The following RYR3 variants were observed in gnomAD, a reference collection of about 807,000 sequenced individuals.
RYR3 encodes the protein ryanodine receptor 3, also known as brain ryanodine receptor-calcium release channel.
In RYR3, 207 loss-of-function variants were observed where a neutral mutation model predicts 584.3. The ratio of observed to expected loss-of-function variants is 0.35; its 90% CI spans 0.32 to 0.40. The LOEUF (loss-of-function observed/expected upper bound fraction) is 0.40, where lower values mean the gene tolerates loss of function less well. Among genes scored for constraint, RYR3 ranks in the 10% least tolerant of loss-of-function variants. RYR3 has a pLI of 1.00. For synonymous variants in RYR3, 2,416 were observed against 2,248.5 expected (o/e 1.07, Z -2.11); for missense variants, 5,616 against 6,089.2 (o/e 0.92, Z 2.59).
chr15:33,595,676 C>CTA (rs1386613029), intron 16 of RYR3, among the ~76,000 whole-genome samples: 1 of 152,128 alleles, frequency 6.6e-6, no homozygotes, highest in Non-Finnish European at 1.5e-5. Context: ...GAAGATGAGC[C>CTA]TTCAATTGCT....
intron 2 of RYR3, among the ~76,000 whole-genome samples, chr15:33,483,391 G>C (rs2050144422): frequency 6.6e-6 from 1 of 152,034 alleles, no homozygotes; most frequent in Admixed American, 6.5e-5. Flanking sequence ...ACTGAACATT[G>C]TAGATGATAT....
At chr15:33,452,209 G>A (rs1220507998) in intron 1 of RYR3, among the ~76,000 whole-genome samples, 1 of 152,218 alleles carries the variant, frequency 6.6e-6, no homozygotes, top group Non-Finnish European at 1.5e-5. Flanking sequence ...GTTTCTCATT[G>A]TTGGTTCTGC....
chr15:33,668,826 GA>G (rs1003628872), intron 36 of RYR3, among the ~76,000 whole-genome samples: 32 of 151,886 alleles, frequency 2.1e-4, no homozygotes, highest in African/African-American at 7.5e-4. Context: ...TCAGAGACAT[GA>G]AAAAAAATTA....
At chr15:33,712,630 C>T (rs1277631589) in intron 43 of RYR3, among the ~76,000 whole-genome samples, 1 of 151,948 alleles carries the variant, frequency 6.6e-6, no homozygotes, top group African/African-American at 2.4e-5. Context: ...CAGTAGGTTG[C>T]CACAGGTGAA....
At chr15:33,377,792 C>T (rs890434815) in intron 1 of RYR3, among the ~76,000 whole-genome samples, 4 of 151,406 alleles carry the variant, frequency 2.6e-5, no homozygotes, top group African/African-American at 9.7e-5. Flanking sequence ...TTCTAGAAAT[C>T]TTTTTTTTTC....
intron 69 of RYR3, among the ~76,000 whole-genome samples, chr15:33,806,746 T>G (rs1010911913): frequency 6.7e-6 from 1 of 148,754 alleles, no homozygotes; most frequent in Non-Finnish European, 1.5e-5. Context: ...TGTTAATAAA[T>G]CTTCTTTTTT....
At chr15:33,437,307 T>C (rs920110397) in intron 1 of RYR3, among the ~76,000 whole-genome samples, 1 of 152,232 alleles carries the variant, frequency 6.6e-6, no homozygotes, top group Non-Finnish European at 1.5e-5. Context: ...TAGGCTCCTT[T>C]TACATTACAT....
At chr15:33,640,411 A>G (rs1410468816) in intron 27 of RYR3, among the ~76,000 whole-genome samples, 1 of 152,194 alleles carries the variant, frequency 6.6e-6, no homozygotes, top group Non-Finnish European at 1.5e-5. Flanking sequence ...TGGGTATAGC[A>G]TGTGCTGCTG....
At chr15:33,811,410 C>G (rs2076535323) in intron 72 of RYR3, among the ~76,000 whole-genome samples, 1 of 151,248 alleles carries the variant, frequency 6.6e-6, no homozygotes, top group Non-Finnish European at 1.5e-5. Flanking sequence ...GAGGCTGAGG[C>G]AGAGGCAGGA....
intron 3 of RYR3, among the ~76,000 whole-genome samples, chr15:33,522,737 A>G (rs1440226081): frequency 6.6e-6 from 1 of 152,126 alleles, no homozygotes; most frequent in Non-Finnish European, 1.5e-5. Context: ...TACCAGTTTC[A>G]GGGAGTTAGG....
At chr15:33,628,840 T>C (rs556923807) in intron 21 of RYR3, among the ~76,000 whole-genome samples, 9 of 152,330 alleles carry the variant, frequency 5.9e-5, no homozygotes, top group African/African-American at 2.2e-4. Flanking sequence ...CATCTCTGTA[T>C]GGGTAGTGAA....
At chr15:33,605,821 A>C (rs1056703159) in intron 18 of RYR3, among the ~76,000 whole-genome samples, 1 of 152,208 alleles carries the variant, frequency 6.6e-6, no homozygotes, top group Non-Finnish European at 1.5e-5. Context: ...GTAATTGATG[A>C]AGAAATGAAA....
intron 18 of RYR3, among the ~76,000 whole-genome samples, chr15:33,610,378 G>A (rs767950820): frequency 6.6e-6 from 1 of 151,948 alleles, no homozygotes; most frequent in Non-Finnish European, 1.5e-5. Flanking sequence ...ATTATTTATC[G>A]TATTATTTTG....
At chr15:33,330,208 A>T (rs1208135462) in intron 1 of RYR3, among the ~76,000 whole-genome samples, 6 of 152,182 alleles carry the variant, frequency 3.9e-5, no homozygotes, top group Non-Finnish European at 8.8e-5. Flanking sequence ...TTGTCCCAAA[A>T]TCATCAGGCT....
At chr15:33,760,203 C>T (rs1301537662) in intron 60 of RYR3, among the ~76,000 whole-genome samples, 1 of 152,118 alleles carries the variant, frequency 6.6e-6, no homozygotes, top group African/African-American at 2.4e-5. Flanking sequence ...TAAAGACAAT[C>T]GACACTATGA....
chr15:33,611,802 G>A (rs1043051024), intron 18 of RYR3, among the ~76,000 whole-genome samples: 1 of 151,954 alleles, frequency 6.6e-6, no homozygotes, highest in Non-Finnish European at 1.5e-5. Context: ...GGGACTACAG[G>A]TGCACGTCAT....
At chr15:33,344,125 A>T (rs1972150689) in intron 1 of RYR3, among the ~76,000 whole-genome samples, 1 of 152,206 alleles carries the variant, frequency 6.6e-6, no homozygotes, top group African/African-American at 2.4e-5. Flanking sequence ...GAGTAATGAG[A>T]TGCAATCTGT....
At chr15:33,654,434 C>T (rs1028377850) in intron 32 of RYR3, among the ~76,000 whole-genome samples, 7 of 151,498 alleles carry the variant, frequency 4.6e-5, no homozygotes, top group Admixed American at 3.9e-4. Flanking sequence ...CACTTGAGTC[C>T]GGGGAGGTCA....
intron 47 of RYR3, among the ~76,000 whole-genome samples, chr15:33,730,769 G>A (rs184248138): frequency 5.9e-5 from 9 of 152,238 alleles, no homozygotes; most frequent in Middle Eastern, 3.4e-3. Flanking sequence ...CCATTCATCC[G>A]TCTAAATGTA....
Sources: allele counts gnomAD v4.1 joint callset (sites outside exome capture counted in the v4.1 genomes callset), GRCh38; gene constraint gnomAD v4.1.1; transcripts MANE v1.5; gene names NCBI Gene and HGNC (gene_info 2026-07-23, HGNC 2026-07-21).